The following BDP1 variants were observed in gnomAD, a reference collection of about 807,000 sequenced individuals.
The protein encoded by BDP1 is BDP1 general transcription factor IIIB subunit.
Under a neutral mutation model 266.6 loss-of-function variants are expected in BDP1, and 169 were observed. That is an observed-to-expected ratio of 0.63 (90% CI 0.56 to 0.72). BDP1 has a LOEUF of 0.72. BDP1 is among the 30% of genes least tolerant of loss of function. The pLI, the probability that BDP1 is intolerant of heterozygous loss-of-function variation, is 0.00. For synonymous variants in BDP1, 1,090 were observed against 1,022.4 expected, an observed-to-expected ratio of 1.07 and a Z score of -1.26; for missense variants, 3,015 against 3,053.8, an observed-to-expected ratio of 0.99 and a Z score of 0.30.
Position 71,486,604 on chromosome 5 carries a change from C to T in BDP1, c.1190C>T (p.Thr397Ile), listed in dbSNP as rs2150402086. The T allele has an allele frequency of 6.6e-7, 1 of 1,525,446 alleles. No individual in the cohort carries two copies. 94.5% of individuals were successfully genotyped at this position (1,525,446 alleles called of 1,614,324 possible). Reference protein sequence around the residue: ...KNHSLKEKKSTKPRKNVKVKK... With the variant: ...KNHSLKEKKSIKPRKNVKVKK... ...CACAGTTTAAAGGAGAAGAAATCCACCAAACCACGGAAAAATGTAAAAGGT... is the reference window on the plus strand; with the variant it reads ...CACAGTTTAAAGGAGAAGAAATCCATCAAACCACGGAAAAATGTAAAAGGT... The change falls in exon 9 of 39, where the codon ACC (threonine) becomes ATC (isoleucine). Residue 397 changes from threonine to isoleucine, a missense_variant. Transcript: ENST00000358731.
chr5:71,463,823 T>C lies in BDP1; in HGVS notation c.600-235T>C, dbSNP rs1340225707. Among the ~76,000 whole-genome samples the C allele has an allele frequency of 3.7e-5, 3 of 81,844 alleles. No individual in the cohort carries two copies. In the East Asian group the frequency reaches 1.3e-3, roughly 35 times the overall value. The allele number at this position is 81,844 out of a possible 152,430, so 53.7% of individuals were successfully genotyped here. On this transcript the variant is annotated intron_variant, in intron 3 of 38. Transcript: ENST00000358731. The stretch of plus-strand genomic sequence containing the variant: ...AGTCTGACACAGCAAGACCCTGTTG[T>C]TGTATTAAAAAAAAAAAAAAAAAGT...
chr5:71,464,420 A>G (rs1266004733), intron 4 of BDP1, among the ~76,000 whole-genome samples: 1 of 152,140 alleles, frequency 6.6e-6, no homozygotes, highest in Non-Finnish European at 1.5e-5. Context: ...GCTCGAGCCC[A>G]CATGTTCAAG....
At chr5:71,480,399 G>T (rs1403794347) in intron 7 of BDP1, among the ~76,000 whole-genome samples, 1 of 148,348 alleles carries the variant, frequency 6.7e-6, no homozygotes, top group Non-Finnish European at 1.5e-5. Flanking sequence ...CTCCCAAAGT[G>T]CTGGGATTAC....
chr5:71,524,671 G>A (rs1414962705), intron 25 of BDP1, among the ~76,000 whole-genome samples: 1 of 145,340 alleles, frequency 6.9e-6, no homozygotes, highest in African/African-American at 2.5e-5. Flanking sequence ...ATTCTTGGGT[G>A]TTTCTCGCAG....
chr5:71,462,005 C>A (rs537081987), intron 3 of BDP1, 79 bp downstream of exon 3: 1 of 809,130 alleles, frequency 1.2e-6, no homozygotes. Context: ...CTCTGTCACC[C>A]GGGCTGGAGT....
chr5:71,501,557 C>T lies in BDP1; in HGVS notation c.1957-5C>T, dbSNP rs976292458. On this transcript the variant is annotated splice_region_variant and splice_polypyrimidine_tract_variant and intron_variant, in intron 13 of 38. Transcript: ENST00000358731. ...TAGATAAATTGTAGCAAATTAAATT[C>T]ACAGAACCACGTGGAAAAAGATAAA... 1 of 1,529,982 alleles carries T rather than the reference C, an allele frequency of 6.5e-7. No homozygotes were observed. The highest frequency in any genetic ancestry group is 9.0e-7 in the Non-Finnish European group (1 of 1,110,330). The allele number at this position is 1,529,982 out of a possible 1,614,324, so 94.8% of individuals were successfully genotyped here.
rs112823079 is a variant in BDP1 at position 71,545,085 on chromosome 5, G to T, written c.6610G>T (p.Val2204Phe). The change falls in exon 32 of 39, where the codon GTT (valine) becomes TTT (phenylalanine). Residue 2204 changes from valine to phenylalanine, a missense_variant. By Grantham distance (50) the Val-to-Phe change is conservative. Transcript: ENST00000358731. The part of the protein sequence containing the change: ...ESSQEVHMLS[V>F]APVASSETGP... ...CTCTCAGGAGGTTCACATGTTGTCA[G>T]TTGCTCCAGTTGCTTCCTCTGAGAC... The T allele has an allele frequency of 1.1e-4, 175 of 1,613,640 alleles. 2 individuals are homozygous for T. The African/African-American group carries it at 1.9e-3, about 17-fold the overall frequency.
At chr5:71,457,535 C>CG (rs1382355319) in intron 1 of BDP1, among the ~76,000 whole-genome samples, 1 of 151,958 alleles carries the variant, frequency 6.6e-6, no homozygotes, top group Non-Finnish European at 1.5e-5. Context: ...AGGCTGGACT[C>CG]GAACTCCTGA....
chr5:71,569,762 C>G (rs1426766438), downstream of BDP1, among the ~76,000 whole-genome samples: 1 of 152,038 alleles, frequency 6.6e-6, no homozygotes, highest in Non-Finnish European at 1.5e-5. Flanking sequence ...TTAGAAAACA[C>G]ACACACTCGC....
intron 38 of BDP1, chr5:71,562,888 G>A: frequency 7.8e-7 from 1 of 1,288,192 alleles, no homozygotes; most frequent in Middle Eastern, 2.1e-4. Flanking sequence ...TCCTGAAGCT[G>A]TCCAATGGCA....
In BDP1 at chr5:71,524,188, C is replaced by G. The variant is rs371137263; in HGVS notation, c.5637C>G (p.Asp1879Glu). 4 of 1,614,142 alleles carry G rather than the reference C, an allele frequency of 2.5e-6. No individual in the cohort carries two copies. Among genetic ancestry groups the G allele is most frequent in the Non-Finnish European group, 3.4e-6 (4 of 1,180,038 alleles). The change falls in exon 25 of 39, where the codon GAC becomes GAG. Residue 1879 changes from aspartate (D) to glutamate (E), a missense_variant. Physicochemically the swap from Asp to Glu is conservative, Grantham distance 45. This residue lies in a region of BDP1 where 2,383 missense variants were observed against 2,404.9 expected (regional missense o/e 0.99). Transcript: ENST00000358731. ...RASQEEDDDA[D>E]DFESDYEEES... is the part of the protein sequence containing the mutation. ...CCCAGGAAGAAGATGATGATGCTGACGATTTTGAGTCTGACTATGAGGAAG... is the reference window on the plus strand; with the variant it reads ...CCCAGGAAGAAGATGATGATGCTGAGGATTTTGAGTCTGACTATGAGGAAG...
intron 22 of BDP1, among the ~76,000 whole-genome samples, chr5:71,520,778 A>T (rs758574621): frequency 3.3e-5 from 5 of 152,226 alleles, no homozygotes; most frequent in Non-Finnish European, 5.9e-5. Flanking sequence ...ATAAATGAGA[A>T]ATAAGTTGAA....
chr5:71,523,116 C>T (rs1765593189), intron 24 of BDP1, among the ~76,000 whole-genome samples, 167 bp downstream of exon 24: 1 of 152,168 alleles, frequency 6.6e-6, no homozygotes, highest in Non-Finnish European at 1.5e-5. Flanking sequence ...TTAAGGTGCT[C>T]ATTCAAATGG....
In BDP1 at chr5:71,510,811, T is replaced by A; in HGVS notation, c.3719T>A (p.Val1240Glu). 4 of 1,613,614 alleles carry A rather than the reference T, an allele frequency of 2.5e-6. No homozygotes were observed. The highest frequency in any genetic ancestry group is 3.4e-6 in the Non-Finnish European group (4 of 1,179,842). The change falls in exon 17 of 39, where the codon GTG becomes GAG. Residue 1240 changes from valine to glutamate, a missense_variant. By Grantham distance (121) the Val-to-Glu change is moderately radical (BLOSUM62 -2). This residue lies in a region of BDP1 where 2,383 missense variants were observed against 2,404.9 expected (regional missense o/e 0.99). Coordinates refer to ENST00000358731, the MANE Select transcript of BDP1 (RefSeq NM_018429.3). ...IREEISQREK[V>E]LAEFSAIREK... ...GAAGAAATTTCCCAAAGGGAAAAGG[T>A]GCTAGCAGAGTTCAGTGCTATAAGG...
chr5:71,525,444 AC>A lies in BDP1; in HGVS notation c.5772+1122del, dbSNP rs1172560635. ...GGGCGGCTGGCCGGGCGGGGGGCTG[AC>A]ACCCCCCACCTCCCTCCCGGACGGG... On this transcript the variant is annotated intron_variant, in intron 25 of 38. Coordinates refer to ENST00000358731, the MANE Select transcript of BDP1 (RefSeq NM_018429.3). Among the ~76,000 whole-genome samples the A allele has an allele frequency of 1.5e-3, 163 of 106,816 alleles. 28 individuals carry two copies. The highest frequency in any genetic ancestry group is 5.6e-3 in the African/African-American group (155 of 27,670). 70.1% of individuals were successfully genotyped at this position (106,816 alleles called of 152,430 possible). A position where few individuals can be genotyped will look rare whatever the true frequency, so the allele number is the denominator to read the frequency against.
At chr5:71,513,783 G>A (rs1250112202) in intron 19 of BDP1, among the ~76,000 whole-genome samples, 2 of 151,776 alleles carry the variant, frequency 1.3e-5, no homozygotes, top group South Asian at 2.1e-4. Flanking sequence ...GCAGTGGCGC[G>A]ATCTCGGCTC....
At chr5:71,523,565 C>T (rs929464263) in intron 24 of BDP1, among the ~76,000 whole-genome samples, 1 of 152,168 alleles carries the variant, frequency 6.6e-6, no homozygotes, top group African/African-American at 2.4e-5. Flanking sequence ...CTGCCTGCCT[C>T]GTCCTCCCAA....
chr5:71,494,628 A>G (rs1459804537), intron 11 of BDP1: 4 of 152,276 alleles, frequency 2.6e-5, no homozygotes, highest in Non-Finnish European at 5.9e-5. Context: ...GATTGCCTAT[A>G]TAAATTTTAA....
intron 4 of BDP1, among the ~76,000 whole-genome samples, chr5:71,465,214 A>G (rs141475608): frequency 6.6e-6 from 1 of 152,176 alleles, no homozygotes; most frequent in African/African-American, 2.4e-5. Context: ...CTAACCCTGA[A>G]GGATTGTACT....
Sources: gnomAD v4.1 joint callset for allele counts (sites outside exome capture counted in the v4.1 genomes callset) on GRCh38, gnomAD v4.1.1 for gene constraint, gnomAD v4.1.1 regional missense constraint, MANE v1.5 for transcripts, NCBI Gene and HGNC (gene_info 2026-07-23, HGNC 2026-07-21) for gene names.